The following SLC14A2 variants were observed in gnomAD, a reference collection of about 807,000 sequenced individuals.
SLC14A2 encodes urea transporter 2.
Under a neutral mutation model 104.6 loss-of-function variants are expected in SLC14A2, and 91 were observed. The observed-to-expected ratio is 0.87, with a 90% CI of 0.73 to 1.04. SLC14A2 has a LOEUF of 1.04. SLC14A2 is among the 50% of genes least tolerant of loss of function. SLC14A2 has a pLI of 0.00. For missense variants in SLC14A2, 1,189 were observed against 1,156.0 expected (o/e 1.03, Z -0.41); for synonymous variants, 476 against 466.4 (o/e 1.02, Z -0.27).
intron 10 of SLC14A2, among the ~76,000 whole-genome samples, chr18:45,663,244 G>A (rs1316303440): frequency 2.0e-5 from 3 of 152,172 alleles, no homozygotes; most frequent in African/African-American, 7.2e-5. Context: ...CTGGTCCAGG[G>A]ACCACAGGGA....
At position 45,404,126 on chromosome 18, in the gene SLC14A2, C is replaced by A. The variant is rs569204305; in HGVS notation, c.-124-79107C>A. Among the ~76,000 whole-genome samples, 4 of 152,364 alleles carry A rather than the reference C, an allele frequency of 2.6e-5. No individual in the cohort carries two copies. The South Asian group carries it at 8.3e-4, about 32-fold the overall frequency. ...CTTCCCAATTTGAGAGGTTCTCCCACTTTCTGGGCTCCCATTGCTTTCCAT... is the reference window on the plus strand; with the variant it reads ...CTTCCCAATTTGAGAGGTTCTCCCAATTTCTGGGCTCCCATTGCTTTCCAT... On this transcript the variant is annotated intron_variant, in intron 1 of 20. Transcript: ENST00000586448.
chr18:45,219,972 G>C (rs1272760444), intron 1 of SLC14A2, among the ~76,000 whole-genome samples: 1 of 152,182 alleles, frequency 6.6e-6, no homozygotes, highest in African/African-American at 2.4e-5. Flanking sequence ...ACTTGCAGAG[G>C]GTTAAGACTT....
Position 45,636,971 on chromosome 18 carries a change from C to T in SLC14A2, c.651-19C>T, listed in dbSNP as rs772954618. 1.9e-6 allele frequency: 3 copies of T among 1,606,660 alleles called. No individual in the cohort carries two copies. The South Asian group carries it at 3.3e-5, about 18-fold the overall frequency. The stretch of plus-strand genomic sequence containing the variant: ...TCAGGATGTCACAGGGATTAACCCT[C>T]TGTCTCTTGCATCTTCAGCCCAGTT... On this transcript the variant is annotated intron_variant, in intron 5 of 19. Transcript: ENST00000255226.
At chr18:45,315,928 T>G (rs1406436301) in intron 1 of SLC14A2, among the ~76,000 whole-genome samples, 1 of 152,212 alleles carries the variant, frequency 6.6e-6, no homozygotes, top group Non-Finnish European at 1.5e-5. Flanking sequence ...AGTGAGAATA[T>G]AAATACCGCT....
chr18:45,196,290 G>A, the SLC14A2 span, among the ~76,000 whole-genome samples: 4 of 152,296 alleles, frequency 2.6e-5, no homozygotes, highest in East Asian at 1.9e-4. Flanking sequence ...CATTAGTTAC[G>A]AGTTTGCTGA....
chr18:45,552,076 T>G (rs2044063836), intron 2 of SLC14A2, among the ~76,000 whole-genome samples: 1 of 152,230 alleles, frequency 6.6e-6, no homozygotes, highest in East Asian at 1.9e-4. Flanking sequence ...AATAACTAAC[T>G]TTTTAGTAGC....
At chr18:45,231,332 AC>A (rs2084172719) in intron 1 of SLC14A2, among the ~76,000 whole-genome samples, 1 of 152,078 alleles carries the variant, frequency 6.6e-6, no homozygotes, top group South Asian at 2.1e-4. Flanking sequence ...CCTCCTGAGT[AC>A]CTGAGACTAC....
chr18:45,460,019 C>A (rs1457225160), intron 1 of SLC14A2, among the ~76,000 whole-genome samples: 1 of 152,224 alleles, frequency 6.6e-6, no homozygotes, highest in Admixed American at 6.5e-5. Context: ...TTTTGGTCAG[C>A]ACCCAATATC....
chr18:45,244,736 G>A (rs776057884), intron 1 of SLC14A2, among the ~76,000 whole-genome samples: 3 of 152,178 alleles, frequency 2.0e-5, no homozygotes, highest in Non-Finnish European at 2.9e-5. Flanking sequence ...ATGGCATCCC[G>A]CTCTGATCAG....
the SLC14A2 span, among the ~76,000 whole-genome samples, chr18:45,173,190 G>GT: frequency 6.6e-6 from 1 of 152,140 alleles, no homozygotes. Flanking sequence ...TTTGAAATGG[G>GT]TGGGAGATGG....
At chr18:45,240,256 C>T (rs911543061) in intron 1 of SLC14A2, among the ~76,000 whole-genome samples, 2 of 151,338 alleles carry the variant, frequency 1.3e-5, no homozygotes, top group Admixed American at 1.3e-4. Flanking sequence ...GCCACCACAC[C>T]CGGCTAATTT....
intron 1 of SLC14A2, among the ~76,000 whole-genome samples, chr18:45,475,994 C>T (rs139103513): frequency 0.13 from 20,015 of 151,834 alleles, 1,492 homozygotes; most frequent in Middle Eastern, 0.24. Context: ...AGGTTAATAT[C>T]GTTATGTGTG....
the SLC14A2 span, among the ~76,000 whole-genome samples, chr18:45,172,686 G>T: frequency 6.6e-6 from 1 of 152,088 alleles, no homozygotes; most frequent in Admixed American, 6.6e-5. Flanking sequence ...TCAGAGAAGT[G>T]AATTTTCTGA....
At chr18:45,225,595 C>T (rs1361171470) in intron 1 of SLC14A2, among the ~76,000 whole-genome samples, 4 of 152,012 alleles carry the variant, frequency 2.6e-5, no homozygotes, top group African/African-American at 9.7e-5. Flanking sequence ...TATGGCCATT[C>T]TCATGATATT....
At chr18:45,374,372 T>C (rs2085752631) in intron 1 of SLC14A2, among the ~76,000 whole-genome samples, 1 of 152,246 alleles carries the variant, frequency 6.6e-6, no homozygotes. Flanking sequence ...AACTGTGATG[T>C]CTGTGGGCCA....
At chr18:45,538,568 G>A (rs144062260) in intron 2 of SLC14A2, among the ~76,000 whole-genome samples, 57 of 152,306 alleles carry the variant, frequency 3.7e-4, no homozygotes, top group Middle Eastern at 3.4e-3. Context: ...TAGGACTGCT[G>A]ACACAACATA....
At chr18:45,679,396 G>A (rs937830463) in intron 19 of SLC14A2, among the ~76,000 whole-genome samples, 8 of 152,262 alleles carry the variant, frequency 5.3e-5, no homozygotes, top group African/African-American at 1.9e-4. Context: ...TTTGCCCCAC[G>A]GCAACTAACT....
At chr18:45,315,702 G>A (rs1232121077) in intron 1 of SLC14A2, among the ~76,000 whole-genome samples, 2 of 152,174 alleles carry the variant, frequency 1.3e-5, no homozygotes, top group East Asian at 3.9e-4. Flanking sequence ...AAGGGAATGA[G>A]ATGAGATTCA....
chr18:45,541,152 C>G (rs573437749), intron 2 of SLC14A2, among the ~76,000 whole-genome samples: 144 of 152,032 alleles, frequency 9.5e-4, no homozygotes, highest in African/African-American at 3.2e-3. Flanking sequence ...CCCTCAACAA[C>G]AGGATTCTTT....
Sources: gnomAD v4.1 joint callset for allele counts (sites outside exome capture counted in the v4.1 genomes callset) on GRCh38, gnomAD v4.1.1 for gene constraint, MANE v1.5 for transcripts, NCBI Gene and HGNC (gene_info 2026-07-23, HGNC 2026-07-21) for gene names.